The following VPS53 variants were observed in gnomAD, a reference collection of about 807,000 sequenced individuals.
VPS53 encodes the protein vacuolar protein sorting-associated protein 53 homolog.
VPS53 carries 70 observed loss-of-function variants against 107.0 expected under a neutral mutation model. The observed-to-expected ratio is 0.65, with a 90% CI of 0.54 to 0.80. VPS53 has a LOEUF of 0.80. Ranked by LOEUF, VPS53 falls within the 30% of genes least tolerant of loss-of-function variation. The pLI is 0.00. For missense variants in VPS53, 917 were observed against 1,049.4 expected (o/e 0.87, Z 1.74); for synonymous variants, 409 against 393.3 (o/e 1.04, Z -0.47).
At chr17:588,477 C>T (rs547401413) in intron 12 of VPS53, among the ~76,000 whole-genome samples, 5 of 152,104 alleles carry the variant, frequency 3.3e-5, no homozygotes, top group South Asian at 2.1e-4. Flanking sequence ...TTAAATAACA[C>T]GTTGCAATGG....
chr17:542,975 CAAA>C (rs57176595), intron 17 of VPS53, among the ~76,000 whole-genome samples: 2 of 90,002 alleles, frequency 2.2e-5, no homozygotes. Flanking sequence ...GAGACTCTGT[CAAA>C]AAAAAAAAAA....
At position 516,371 on chromosome 17, in the gene VPS53, T is replaced by G. The variant is rs1908310347; in HGVS notation, c.*2757A>C. The stretch of plus-strand genomic sequence containing the variant: ...TGACTCAAAATCTCCGGGCATCTGT[T>G]TTTTTGTTTGTTTTGAGATAGAGTC... On this transcript the variant is annotated 3_prime_UTR_variant, in exon 22 of 22. Transcript: ENST00000437048. 6.6e-6 allele frequency: 1 copy of G among 151,954 alleles called. No homozygotes were observed. The highest frequency in any genetic ancestry group is 6.6e-5 in the Admixed American group (1 of 15,246). 9.4% of individuals were successfully genotyped at this position (151,954 alleles called of 1,614,324 possible). A position where few individuals can be genotyped will look rare whatever the true frequency, so the allele number is the denominator to read the frequency against.
At chr17:646,727 C>T (rs372884498) in intron 7 of VPS53, among the ~76,000 whole-genome samples, 140 of 111,984 alleles carry the variant, frequency 1.3e-3, no homozygotes, top group South Asian at 4.4e-3. Context: ...TCCGTGACCG[C>T]GTGGCCACTG....
intron 4 of VPS53, among the ~76,000 whole-genome samples, chr17:669,561 C>T (rs979054989): frequency 1.4e-5 from 2 of 143,812 alleles, no homozygotes; most frequent in South Asian, 4.5e-4. Context: ...CCACTGCACT[C>T]CAGCCTGGGT....
chr17:589,621 AAAAGT>A (rs1218343732), intron 12 of VPS53, among the ~76,000 whole-genome samples: 2 of 152,200 alleles, frequency 1.3e-5, no homozygotes, highest in African/African-American at 4.8e-5. Context: ...TAAAAAGAAA[AAAAGT>A]AAAGGATAAC....
At chr17:567,835 G>C (rs1913672869) in intron 13 of VPS53, among the ~76,000 whole-genome samples, 1 of 150,374 alleles carries the variant, frequency 6.7e-6, no homozygotes, top group African/African-American at 2.4e-5. Flanking sequence ...GTTACAGTGA[G>C]CTATAATGCC....
At chr17:698,301 T>A (rs906070214) in intron 3 of VPS53, among the ~76,000 whole-genome samples, 3 of 151,838 alleles carry the variant, frequency 2.0e-5, no homozygotes, top group African/African-American at 7.3e-5. Flanking sequence ...GGCATGGTGG[T>A]GCATGCCTAT....
At position 714,806 on chromosome 17, in the gene VPS53, A is replaced by G; in HGVS notation, c.-97T>C. On this transcript the variant is annotated 5_prime_UTR_variant, in exon 1 of 22. Transcript: ENST00000437048. ...GCACAGCAACTCCCTCGCGGCAGCGACCTGGTGAGCCCGGCTCCGTCAGCC... is the reference window on the plus strand; with the variant it reads ...GCACAGCAACTCCCTCGCGGCAGCGGCCTGGTGAGCCCGGCTCCGTCAGCC... 1 of 1,383,386 alleles carries G rather than the reference A, an allele frequency of 7.2e-7. No individual in the cohort carries two copies. Among genetic ancestry groups the G allele is most frequent in the Non-Finnish European group, 1.0e-6 (1 of 978,760 alleles). The allele number at this position is 1,383,386 out of a possible 1,614,324, so 85.7% of individuals were successfully genotyped here.
intron 15 of VPS53, among the ~76,000 whole-genome samples, chr17:557,855 CTTTTT>C (rs773408955): frequency 3.2e-5 from 4 of 125,622 alleles, no homozygotes; most frequent in Non-Finnish European, 5.1e-5. Context: ...TAAGGATTAT[CTTTTT>C]TTTTTTTTTT....
At chr17:571,593 G>A (rs182065668) in intron 13 of VPS53, among the ~76,000 whole-genome samples, 700 of 132,026 alleles carry the variant, frequency 5.3e-3, no homozygotes, top group African/African-American at 0.01. Flanking sequence ...CTGATGCCGA[G>A]CCGAAGCTGG....
At chr17:707,726 C>T (rs550010235) in intron 2 of VPS53, among the ~76,000 whole-genome samples, 1 of 151,622 alleles carries the variant, frequency 6.6e-6, no homozygotes, top group South Asian at 2.1e-4. Context: ...GTGGCATGCG[C>T]CTGTAGTCGC....
chr17:683,530 G>A (rs560776684), intron 4 of VPS53, among the ~76,000 whole-genome samples: 1 of 152,332 alleles, frequency 6.6e-6, no homozygotes, highest in South Asian at 2.1e-4. Context: ...GGAAGTTCAT[G>A]AGGCAGAACA....
At chr17:709,339 C>G (rs972219399) in intron 2 of VPS53, among the ~76,000 whole-genome samples, 3 of 152,206 alleles carry the variant, frequency 2.0e-5, no homozygotes, top group African/African-American at 7.2e-5. Context: ...AAGACCAAGA[C>G]CAGATTTGTC....
At chr17:525,343 T>C (rs1179410076) in intron 19 of VPS53, among the ~76,000 whole-genome samples, 3 of 151,712 alleles carry the variant, frequency 2.0e-5, no homozygotes, top group Non-Finnish European at 4.4e-5. Flanking sequence ...CAGGGTGGGG[T>C]TCATGGGGGC....
In VPS53 at chr17:572,427, C is replaced by T. The variant is rs574483050; in HGVS notation, c.1314-9682G>A. Among the ~76,000 whole-genome samples, 295 of 147,976 alleles carry T rather than the reference C, an allele frequency of 2.0e-3. 7 individuals are homozygous for T. In the East Asian group the frequency reaches 0.054, roughly 27 times the overall value. On this transcript the variant is annotated intron_variant, in intron 13 of 21. Transcript: ENST00000437048. ...GGAGGGAGGTGGGGGGGTCAGCCCC[C>T]CGCCCGGCCAGCCGCCCCATCCGGG...
chr17:666,959 A>G (rs1051855823), intron 4 of VPS53, among the ~76,000 whole-genome samples: 1 of 152,154 alleles, frequency 6.6e-6, no homozygotes, highest in Non-Finnish European at 1.5e-5. Flanking sequence ...TTTTGACAAC[A>G]GGGAAGTTGT....
At chr17:597,845 C>T (rs1431364943) in intron 12 of VPS53, among the ~76,000 whole-genome samples, 1 of 152,162 alleles carries the variant, frequency 6.6e-6, no homozygotes, top group African/African-American at 2.4e-5. Context: ...GCTGGGATTA[C>T]AGGCATGAGC....
At chr17:607,621 A>C (rs1292014384) in intron 11 of VPS53, among the ~76,000 whole-genome samples, 6 of 152,236 alleles carry the variant, frequency 3.9e-5, no homozygotes, top group Non-Finnish European at 8.8e-5. Flanking sequence ...TTAGATTGTC[A>C]GTAACTCAAA....
intron 4 of VPS53, 107 bp from the exon 5 acceptor site, chr17:662,002 A>G: frequency 9.8e-7 from 1 of 1,016,266 alleles, no homozygotes. Flanking sequence ...AGCTCTCCTG[A>G]TTCATTGTAC....
Sources: gnomAD v4.1 joint callset for allele counts (sites outside exome capture counted in the v4.1 genomes callset) on GRCh38, gnomAD v4.1.1 for gene constraint, MANE v1.5 for transcripts, NCBI Gene and HGNC (gene_info 2026-07-23, HGNC 2026-07-21) for gene names.